The following FAM9A variants were observed in gnomAD, a reference collection of about 807,000 sequenced individuals.
FAM9A encodes the protein family with sequence similarity 9 member A, also known as protein FAM9A.
A neutral mutation model predicts 25.0 loss-of-function variants in FAM9A; 49 were observed. The ratio of observed to expected loss-of-function variants is 1.96; its 90% CI spans 1.56 to 2.48. The LOEUF is 2.48. Among genes scored for constraint, FAM9A ranks in the 30% most tolerant of loss-of-function variants. The probability of loss-of-function intolerance (pLI) is 0.00; values close to 1 mark genes in which losing one functional copy is unlikely to be tolerated. For synonymous variants in FAM9A, 80 were observed against 85.1 expected, an observed-to-expected ratio of 0.94 and a Z score of 0.33; for missense variants, 266 against 249.3, an observed-to-expected ratio of 1.07 and a Z score of -0.45.
chrX:8,799,264 C>T (rs1418465899), intron 2 of FAM9A, among the ~76,000 whole-genome samples, 170 bp from the exon 3 acceptor site: 3 of 111,571 alleles, frequency 2.7e-5, no homozygotes, highest in South Asian at 3.8e-4. Context: ...CTTCCTGGCC[C>T]GTCCAGCCCC....
In FAM9A at chrX:8,795,286, TCTG is replaced by T. The variant is rs1569104180; in HGVS notation, c.620_622del (p.Ala207del). 1.7e-6 allele frequency: 2 copies of T among 1,198,294 alleles called. No individual in the cohort carries two copies. On this transcript the variant is annotated inframe_deletion, in exon 7 of 10. Coordinates refer to ENST00000381003, the MANE Select transcript of FAM9A (RefSeq NM_174951.3). ...TACTTCTGCTGCTGCTGCTGCGGCT[TCTG>T]CTGCTGCTGCGGCTTCTGCTGCTGC...
chrX:8,799,477 C>G (rs1933574901), intron 2 of FAM9A, among the ~76,000 whole-genome samples: 1 of 110,610 alleles, frequency 9.0e-6, no homozygotes, highest in Non-Finnish European at 1.9e-5. Flanking sequence ...ACTTGCCTGC[C>G]TGGATGCCCA....
intron 5 of FAM9A, 111 bp downstream of exon 5, chrX:8,798,039 G>C: frequency 1.4e-6 from 1 of 708,587 alleles, no homozygotes; most frequent in Non-Finnish European, 2.1e-6. Context: ...CTATATATGA[G>C]AAGAAGGCAT....
rs762247225 is a variant in FAM9A at position 8,795,257 on chromosome X, CTAT to C, written c.649_651del (p.Ile217del). ...TCTTCCTCCTCTTCGTCTTCTACTACTATTACTTCTGCTGCTGCTGCTGCGGCT... is the reference window on the plus strand; with the variant it reads ...TCTTCCTCCTCTTCGTCTTCTACTACTACTTCTGCTGCTGCTGCTGCGGCT... On this transcript the variant is annotated inframe_deletion, in exon 7 of 10. Transcript: ENST00000381003. 17 of 1,178,664 alleles carry C rather than the reference CTAT, an allele frequency of 1.4e-5. No homozygotes were observed. The highest frequency in any genetic ancestry group is 7.2e-5 in the South Asian group (4 of 55,230).
Position 8,795,374 on chromosome X carries a change from T to C in FAM9A, c.535A>G (p.Lys179Glu), listed in dbSNP as rs370418404. Residue 179 changes from lysine to glutamate, a missense_variant, in exon 7 of 10, where the codon AAA (lysine) becomes GAA (glutamate). Coordinates refer to ENST00000381003, the MANE Select transcript of FAM9A (RefSeq NM_174951.3). ...TTCTGCTTCTCTGCGATGTATTCTTTAAGGACATTCAGCAACTTCCGAGTA... is the reference window on the plus strand; with the variant it reads ...TTCTGCTTCTCTGCGATGTATTCTTCAAGGACATTCAGCAACTTCCGAGTA... ...RHTRKLLNVL[K>E]EYIAEKQKDD... 3 of 1,202,887 alleles carry C rather than the reference T, an allele frequency of 2.5e-6. No individual in the cohort carries two copies. The African/African-American group carries it at 5.3e-5, about 21-fold the overall frequency.
At chrX:8,794,938 C>A in intron 7 of FAM9A, 140 bp downstream of exon 7, 2 of 919,379 alleles carry the variant, frequency 2.2e-6, no homozygotes, top group Non-Finnish European at 2.9e-6. Flanking sequence ...CAATTATATT[C>A]CCCTAGTACA....
intron 2 of FAM9A, among the ~76,000 whole-genome samples, 177 bp from the exon 3 acceptor site, chrX:8,799,271 C>T (rs59406294): frequency 0.031 from 3,441 of 111,354 alleles, 153 homozygotes; most frequent in African/African-American, 0.11. Context: ...GCCCGTCCAG[C>T]CCCTCCCTGG....
intron 6 of FAM9A, 38 bp from the exon 7 acceptor site, chrX:8,795,458 G>C (rs1253222709): frequency 7.2e-6 from 8 of 1,104,927 alleles, no homozygotes; most frequent in Non-Finnish European, 8.4e-6. Context: ...ATATGTCATA[G>C]AGAGATGAAA....
At chrX:8,794,653 C>T (rs1412710686) in intron 7 of FAM9A, among the ~76,000 whole-genome samples, 3 of 111,309 alleles carry the variant, frequency 2.7e-5, no homozygotes, top group African/African-American at 6.5e-5. Context: ...TGTTGAGACC[C>T]GACACCCACT....
chrX:8,795,118 T>G lies in FAM9A; in HGVS notation c.791A>C (p.Glu264Ala). The G allele has an allele frequency of 8.6e-7, 1 of 1,156,568 alleles. No individual in the cohort carries two copies. The highest frequency in any genetic ancestry group is 2.0e-5 in the South Asian group (1 of 50,116). ...GGGEGEETEE[E>A]EEEEEEEEEE... ...TTCCTCTTCTTCTTCTTCCTCTTCCTCTTCTTCTGTTTCTTCTCCTTCTCC... is the reference window on the plus strand; with the variant it reads ...TTCCTCTTCTTCTTCTTCCTCTTCCGCTTCTTCTGTTTCTTCTCCTTCTCC... The change falls in exon 7 of 10, where the codon GAG becomes GCG. Residue 264 changes from glutamate to alanine, a missense_variant. Coordinates refer to ENST00000381003, the MANE Select transcript of FAM9A (RefSeq NM_174951.3).
chrX:8,794,398 A>G (rs771836530), intron 7 of FAM9A, among the ~76,000 whole-genome samples: 17 of 111,687 alleles, frequency 1.5e-4, no homozygotes, highest in Non-Finnish European at 3.8e-5. Flanking sequence ...CCTCCAAATA[A>G]CTCTGACATA....
At chrX:8,798,250 T>G in intron 4 of FAM9A, 69 bp from the exon 5 acceptor site, 5 of 1,200,630 alleles carry the variant, frequency 4.2e-6, no homozygotes, top group Admixed American at 2.2e-5. Context: ...TGGGAAGATA[T>G]GTCTTATGTG....
rs1933464124 is a variant in FAM9A at position 8,790,998 on chromosome X, A to T, written c.*206T>A. ...TCATAGAAACGAGGTCTGGCATTTA[A>T]CAGACAAGTGACAGAGGAGCTATAC... On this transcript the variant is annotated 3_prime_UTR_variant, in exon 10 of 10. Coordinates refer to ENST00000381003, the MANE Select transcript of FAM9A (RefSeq NM_174951.3). 5.3e-6 allele frequency: 1 copy of T among 189,820 alleles called. No individual in the cohort carries two copies. Among genetic ancestry groups the T allele is most frequent in the African/African-American group, 3.0e-5 (1 of 33,668 alleles). 15.6% of individuals were successfully genotyped at this position (189,820 alleles called of 1,213,427 possible).
intron 2 of FAM9A, among the ~76,000 whole-genome samples, chrX:8,799,771 C>G (rs1422387415): frequency 1.5e-4 from 6 of 39,062 alleles, no homozygotes; most frequent in Admixed American, 8.6e-4. Context: ...TCCATTCCCC[C>G]AAGCCCCCCT....
chrX:8,797,876 T>A (rs1569104814), intron 5 of FAM9A, among the ~76,000 whole-genome samples: 1 of 111,419 alleles, frequency 9.0e-6, no homozygotes, highest in Non-Finnish European at 1.9e-5. Flanking sequence ...TCCTCTAATA[T>A]CCCCCAAATA....
In FAM9A at chrX:8,795,328, GCTT is replaced by G. The variant is rs745704368; in HGVS notation, c.578_580del (p.Glu193del). The G allele has an allele frequency of 4.1e-6, 5 of 1,205,365 alleles. No individual in the cohort carries two copies. The highest frequency in any genetic ancestry group is 3.5e-5 in the African/African-American group (2 of 56,626). ...TTCTGCTGCTGCTGCTGCGGCTTCT[GCTT>G]CTTCTGCTTCATCATCTTTCTGCTT... On this transcript the variant is annotated inframe_deletion, in exon 7 of 10. Coordinates refer to ENST00000381003, the MANE Select transcript of FAM9A (RefSeq NM_174951.3).
chrX:8,793,472 T>A (rs1179159811), intron 8 of FAM9A, among the ~76,000 whole-genome samples, 186 bp downstream of exon 8: 1 of 112,400 alleles, frequency 8.9e-6, no homozygotes, highest in African/African-American at 3.2e-5. Flanking sequence ...ACAAAACTAT[T>A]CACGAATCCT....
At position 8,796,450 on chromosome X, in the gene FAM9A, C is replaced by A. The variant is rs1933535058; in HGVS notation, c.374-68G>T. The stretch of plus-strand genomic sequence containing the variant: ...GTGGTTTCTTCGCATATATTGAAAT[C>A]AACGTGAGATATGATGGTTCAGCAA... On this transcript the variant is annotated intron_variant, in intron 5 of 9. Coordinates refer to ENST00000381003, the MANE Select transcript of FAM9A (RefSeq NM_174951.3). The A allele has an allele frequency of 1.2e-5, 8 of 659,401 alleles. No homozygotes were observed. In the East Asian group the frequency reaches 2.8e-4, roughly 23 times the overall value. The allele number at this position is 659,401 out of a possible 1,213,427, so 54.3% of individuals were successfully genotyped here.
At position 8,799,215 on chromosome X, in the gene FAM9A, C is replaced by A. The variant is rs984286118; in HGVS notation, c.92-121G>T. 6 of 954,272 alleles carry A rather than the reference C, an allele frequency of 6.3e-6. No individual in the cohort carries two copies. The Admixed American group carries it at 1.9e-4, about 31-fold the overall frequency. 78.6% of individuals were successfully genotyped at this position (954,272 alleles called of 1,213,427 possible). ...GCCCACCCCGTGTATCCTGTGGGAGCAGGAGGGGATGGAGAAGATGCCAGT... is the reference window on the plus strand; with the variant it reads ...GCCCACCCCGTGTATCCTGTGGGAGAAGGAGGGGATGGAGAAGATGCCAGT... On this transcript the variant is annotated intron_variant, in intron 2 of 9. Coordinates refer to ENST00000381003, the MANE Select transcript of FAM9A (RefSeq NM_174951.3).
Sources: gnomAD v4.1 joint callset for allele counts (sites outside exome capture counted in the v4.1 genomes callset) on GRCh38, gnomAD v4.1.1 for gene constraint, MANE v1.5 for transcripts, NCBI Gene and HGNC (gene_info 2026-07-23, HGNC 2026-07-21) for gene names.